STPG2: variants seen among roughly 807,000 people sequenced by gnomAD.
STPG2 encodes the protein sperm-tail PG-rich repeat-containing protein 2.
A neutral mutation model predicts 54.2 loss-of-function variants in STPG2; 56 were observed. That is an observed-to-expected ratio of 1.03 (90% confidence interval 0.83 to 1.29). STPG2 has a LOEUF of 1.29. Ranked by LOEUF, STPG2 falls within the 50% of genes most tolerant of loss-of-function variation. The probability of loss-of-function intolerance (pLI) is 0.00; values close to 1 mark genes in which losing one functional copy is unlikely to be tolerated. For synonymous variants in STPG2, 200 were observed against 181.8 expected (o/e 1.10, Z -0.81); for missense variants, 596 against 544.9 (o/e 1.09, Z -0.93).
chr4:97,914,394 C>A (rs1731795431), intron 8 of STPG2, among the ~76,000 whole-genome samples: 1 of 152,088 alleles, frequency 6.6e-6, no homozygotes, highest in Non-Finnish European at 1.5e-5. Flanking sequence ...AAATAAAATA[C>A]TAGGTCATGA....
chr4:98,028,095 C>T (rs1203556956), intron 5 of STPG2, among the ~76,000 whole-genome samples: 1 of 152,110 alleles, frequency 6.6e-6, no homozygotes, highest in African/African-American at 2.4e-5. Context: ...CTTCAAAGAG[C>T]TTCTGTGTGA....
intron 4 of STPG2, among the ~76,000 whole-genome samples, chr4:97,528,457 T>G (rs1302671205): frequency 3.3e-5 from 5 of 152,180 alleles, no homozygotes; most frequent in Non-Finnish European, 5.9e-5. Context: ...TTGTTCTTTT[T>G]GCTTAGGATT....
intron 10 of STPG2, among the ~76,000 whole-genome samples, chr4:97,634,205 C>A (rs13147259): frequency 2.0e-4 from 31 of 152,318 alleles, no homozygotes; most frequent in African/African-American, 7.5e-4. Flanking sequence ...AGCACCCTAA[C>A]TGGGAGGCAC....
chr4:97,902,839 G>A (rs1278006316), intron 8 of STPG2, among the ~76,000 whole-genome samples: 1 of 152,114 alleles, frequency 6.6e-6, no homozygotes, highest in East Asian at 1.9e-4. Flanking sequence ...AGAGATATCA[G>A]TACTTCCATT....
intron 10 of STPG2, among the ~76,000 whole-genome samples, chr4:97,692,511 A>T (rs952905050): frequency 1.3e-5 from 2 of 152,154 alleles, no homozygotes; most frequent in Non-Finnish European, 2.9e-5. Flanking sequence ...AAATAATTTT[A>T]AAAAATGTAC....
intron 9 of STPG2, among the ~76,000 whole-genome samples, chr4:97,724,903 T>C (rs986065857): frequency 6.6e-6 from 1 of 152,166 alleles, no homozygotes. Context: ...AAATTGCTTA[T>C]GCAGGTCTTT....
At chr4:97,780,740 C>G (rs1244549471) in intron 9 of STPG2, among the ~76,000 whole-genome samples, 1 of 151,470 alleles carries the variant, frequency 6.6e-6, no homozygotes, top group Non-Finnish European at 1.5e-5. Flanking sequence ...TCTCTCAGAC[C>G]ACAGTGCAAT....
In STPG2 at chr4:97,676,542, A is replaced by AAAGGAAGG. The variant is rs70953080; in HGVS notation, c.1320+36149_1320+36156dup. Among the ~76,000 whole-genome samples the AAAGGAAGG allele has an allele frequency of 8.4e-3, 1,107 of 131,300 alleles. 20 individuals carry two copies. In the East Asian group the frequency reaches 0.084, roughly 10 times the overall value. The allele number at this position is 131,300 out of a possible 152,430, so 86.1% of individuals were successfully genotyped here. ...AAAATGCAGAAAATAGAGTTGGAAG[A>AAAGGAAGG]AAGGAAGGAAGGAAGGAAGGAAGGA... On this transcript the variant is annotated intron_variant, in intron 10 of 10. Coordinates refer to ENST00000295268, the MANE Select transcript of STPG2 (RefSeq NM_174952.3).
intron 8 of STPG2, among the ~76,000 whole-genome samples, chr4:97,872,536 G>A (rs963938133): frequency 2.7e-5 from 4 of 150,650 alleles, no homozygotes; most frequent in Non-Finnish European, 6.0e-5. Flanking sequence ...CAAAGAAGAT[G>A]AAAAAACACG....
chr4:97,863,449 T>A (rs1264350569), intron 8 of STPG2, among the ~76,000 whole-genome samples: 1 of 152,136 alleles, frequency 6.6e-6, no homozygotes, highest in East Asian at 1.9e-4. Flanking sequence ...ATTGATGCAA[T>A]AATTAATAGC....
chr4:97,633,589 A>G (rs1473764591), intron 10 of STPG2: 3 of 152,204 alleles, frequency 2.0e-5, no homozygotes, highest in African/African-American at 7.2e-5. Context: ...TACCGGGTTC[A>G]TCTCACTAGG....
At chr4:97,912,543 T>G (rs951317823) in intron 8 of STPG2, among the ~76,000 whole-genome samples, 1 of 152,016 alleles carries the variant, frequency 6.6e-6, no homozygotes, top group Non-Finnish European at 1.5e-5. Context: ...AATACCAGAA[T>G]AGACCAAGTG....
chr4:97,694,676 G>A (rs562621615), intron 10 of STPG2, among the ~76,000 whole-genome samples: 1 of 151,388 alleles, frequency 6.6e-6, no homozygotes, highest in South Asian at 2.1e-4. Flanking sequence ...AGCTGAGTGT[G>A]GTGGCAGGCA....
chr4:98,025,869 C>T lies in STPG2; in HGVS notation c.613-44551G>A, dbSNP rs545729601. ...ACCACTGGCAATAAAGTTTTTGGCA[C>T]CCTGAAGGGAGCTGTGGATGGAGGC... is the stretch of plus-strand genomic sequence containing the variant. On this transcript the variant is annotated intron_variant, in intron 5 of 10. Transcript: ENST00000295268. The T allele has an allele frequency of 1.4e-5, 23 of 1,598,244 alleles. No individual in the cohort carries two copies. In the South Asian group the frequency reaches 2.4e-4, roughly 17 times the overall value.
chr4:97,786,339 ATCT>A (rs1332295897), intron 9 of STPG2, among the ~76,000 whole-genome samples: 3 of 151,868 alleles, frequency 2.0e-5, no homozygotes, highest in African/African-American at 7.3e-5. Context: ...TTTTTCAGTG[ATCT>A]TCTTTAGTTT....
intron 10 of STPG2, among the ~76,000 whole-genome samples, chr4:97,592,825 C>A (rs952264483): frequency 2.6e-5 from 4 of 152,076 alleles, no homozygotes; most frequent in Admixed American, 2.0e-4. Context: ...CAGCTGGAGA[C>A]CCCACAACCC....
intron 4 of STPG2, among the ~76,000 whole-genome samples, chr4:97,512,026 CT>C (rs937301120): frequency 3.8e-4 from 57 of 151,814 alleles, no homozygotes; most frequent in African/African-American, 1.3e-3. Flanking sequence ...GTTTTTTCAA[CT>C]TTTTTTTCTT....
At chr4:97,579,729 T>G (rs1005414564) in intron 10 of STPG2, among the ~76,000 whole-genome samples, 1 of 152,050 alleles carries the variant, frequency 6.6e-6, no homozygotes, top group African/African-American at 2.4e-5. Context: ...ATTCATTAAG[T>G]TCATGCTCTG....
intron 9 of STPG2, among the ~76,000 whole-genome samples, chr4:97,837,272 A>T (rs1728662483): frequency 6.6e-6 from 1 of 151,718 alleles, no homozygotes; most frequent in Non-Finnish European, 1.5e-5. Flanking sequence ...GAATGCTTGA[A>T]ACATTTTGCC....
Sources: allele counts gnomAD v4.1 joint callset (sites outside exome capture counted in the v4.1 genomes callset), GRCh38; gene constraint gnomAD v4.1.1; transcripts MANE v1.5; gene names NCBI Gene and HGNC (gene_info 2026-07-23, HGNC 2026-07-21).